Variants in PLEKHA7 observed in about 807,000 individuals in gnomAD.
The protein encoded by PLEKHA7 is pleckstrin homology domain containing A7.
In PLEKHA7, 104 loss-of-function variants were observed where a neutral mutation model predicts 170.0. That is an observed-to-expected ratio of 0.61 (90% CI 0.52 to 0.72). The LOEUF (loss-of-function observed/expected upper bound fraction) is 0.72. PLEKHA7 is among the 30% of genes least tolerant of loss of function. The pLI is 0.00. For synonymous variants in PLEKHA7, 648 were observed against 660.8 expected, an observed-to-expected ratio of 0.98 and a Z score of 0.30; for missense variants, 1,615 against 1,671.7, an observed-to-expected ratio of 0.97 and a Z score of 0.59.
intron 23 of PLEKHA7, 166 bp from the exon 24 acceptor site, chr11:16,786,553 G>A: frequency 1.0e-6 from 1 of 985,426 alleles, no homozygotes; most frequent in Admixed American, 6.1e-5. Flanking sequence ...CATATGGGCT[G>A]TTCCAGACTG....
chr11:16,920,680 T>C, intron 3 of PLEKHA7, among the ~76,000 whole-genome samples: 1 of 152,242 alleles, frequency 6.6e-6, no homozygotes, highest in Non-Finnish European at 1.5e-5. Flanking sequence ...CATATCTGAC[T>C]ACCTGACTTC....
intron 3 of PLEKHA7, among the ~76,000 whole-genome samples, chr11:17,012,404 C>T (rs182837484): frequency 3.1e-4 from 47 of 152,298 alleles, no homozygotes; most frequent in East Asian, 9.6e-4. Flanking sequence ...TGGCTGTTCG[C>T]TCTTCCCGAA....
chr11:16,855,251 T>G (rs968775316), intron 5 of PLEKHA7, among the ~76,000 whole-genome samples: 2 of 152,182 alleles, frequency 1.3e-5, no homozygotes, highest in African/African-American at 4.8e-5. Flanking sequence ...CAATCAACTT[T>G]CAGCAGCAGC....
intron 3 of PLEKHA7, among the ~76,000 whole-genome samples, chr11:16,948,110 T>C (rs1473315081): frequency 6.6e-6 from 1 of 151,912 alleles, no homozygotes; most frequent in African/African-American, 2.4e-5. Flanking sequence ...CAATTACATG[T>C]AGAGTGTAAA....
intron 9 of PLEKHA7, among the ~76,000 whole-genome samples, chr11:16,836,471 A>C (rs1467546261): frequency 6.6e-6 from 1 of 152,258 alleles, no homozygotes; most frequent in Non-Finnish European, 1.5e-5. Flanking sequence ...TGCCTGTATG[A>C]ATAAAGAGAG....
At chr11:16,907,035 G>A (rs1481625866) in intron 3 of PLEKHA7, among the ~76,000 whole-genome samples, 2 of 147,774 alleles carry the variant, frequency 1.4e-5, no homozygotes, top group South Asian at 4.5e-4. Flanking sequence ...GAAGTGAGGA[G>A]CCCCTCTGCC....
At position 16,791,512 on chromosome 11, in the gene PLEKHA7, C is replaced by T. The variant is rs1004212394; in HGVS notation, c.2746-313G>A. The stretch of plus-strand genomic sequence containing the variant: ...CGGTGCTGTGCTGAACTGCTCCCTC[C>T]GCTCATCTGGAGTGCACATCGCAGG... On this transcript the variant is annotated intron_variant, in intron 19 of 26. Transcript: ENST00000531066. The surrounding 1 kb of genome is among the most constrained non-coding windows in gnomAD (Gnocchi z 4.5). 34 of 556,546 alleles carry T rather than the reference C, an allele frequency of 6.1e-5. No individual in the cohort carries two copies. The Middle Eastern group carries it at 4.9e-3, about 81-fold the overall frequency. The allele number at this position is 556,546 out of a possible 1,614,324, so 34.5% of individuals were successfully genotyped here. A position where few individuals can be genotyped will look rare whatever the true frequency, so the allele number is the denominator to read the frequency against.
intron 3 of PLEKHA7, among the ~76,000 whole-genome samples, chr11:16,931,766 C>G (rs1326792671): frequency 1.1e-4 from 15 of 137,190 alleles, no homozygotes; most frequent in African/African-American, 2.0e-4. Flanking sequence ...CCCCCCCCCC[C>G]CAAAAAAAAA....
chr11:16,928,226 C>T (rs1258179439), intron 3 of PLEKHA7, among the ~76,000 whole-genome samples: 2 of 152,154 alleles, frequency 1.3e-5, no homozygotes, highest in Non-Finnish European at 2.9e-5. Context: ...GGGAGGATCT[C>T]TTGAGCCCAG....
chr11:16,882,940 G>C (rs1855819098), intron 3 of PLEKHA7, among the ~76,000 whole-genome samples: 1 of 152,106 alleles, frequency 6.6e-6, no homozygotes, highest in Non-Finnish European at 1.5e-5. Context: ...TACTTGCTAT[G>C]TATCAACCTA....
intron 9 of PLEKHA7, among the ~76,000 whole-genome samples, chr11:16,828,288 G>A (rs912545632): frequency 1.1e-4 from 17 of 152,310 alleles, no homozygotes; most frequent in African/African-American, 3.8e-4. Context: ...GCGTTCTCAT[G>A]AGATCTGACG....
chr11:16,979,965 C>T (rs1863323899), intron 3 of PLEKHA7, among the ~76,000 whole-genome samples: 2 of 152,166 alleles, frequency 1.3e-5, no homozygotes, highest in Non-Finnish European at 2.9e-5. Flanking sequence ...GGCAGGTACA[C>T]TCAGTGGCTG....
chr11:16,878,555 C>T (rs11024067), intron 3 of PLEKHA7, among the ~76,000 whole-genome samples: 8,887 of 152,230 alleles, frequency 0.058, 388 homozygotes, highest in Non-Finnish European at 0.091. Flanking sequence ...CTCTTTCCTA[C>T]TTAACAGTCT....
Position 16,817,472 on chromosome 11 carries a change from C to T in PLEKHA7, c.1344-150G>A. 1 of 718,242 alleles carries T rather than the reference C, an allele frequency of 1.4e-6. No homozygotes were observed. Among genetic ancestry groups the T allele is most frequent in the Non-Finnish European group, 2.1e-6 (1 of 471,606 alleles). The allele number at this position is 718,242 out of a possible 1,614,324, so 44.5% of individuals were successfully genotyped here. On this transcript the variant is annotated intron_variant, in intron 10 of 26. Coordinates refer to ENST00000531066, the MANE Select transcript of PLEKHA7 (RefSeq NM_001329630.2). The surrounding 1 kb of genome is among the most constrained non-coding windows in gnomAD (Gnocchi z 4.4). ...TGATCAAGGCCGACATCCAGGACTTCAGTCACTTCCCCTTTTGGCAGACGA... is the reference window on the plus strand; with the variant it reads ...TGATCAAGGCCGACATCCAGGACTTTAGTCACTTCCCCTTTTGGCAGACGA...
At chr11:16,814,860 C>T (rs768748480) in intron 12 of PLEKHA7, among the ~76,000 whole-genome samples, 1 of 152,250 alleles carries the variant, frequency 6.6e-6, no homozygotes, top group African/African-American at 2.4e-5. Context: ...CAAGCAGTGG[C>T]CACGGGGGCA....
In PLEKHA7 at chr11:16,960,415, G is replaced by A. The variant is rs141320190; in HGVS notation, c.221+53574C>T. On this transcript the variant is annotated intron_variant, in intron 3 of 26. Transcript: ENST00000531066. Reference sequence around the variant, plus strand: ...AAATTCTCCCTGTATTTACTCAAACGTTGCCTGAGCTCTGAGTTGGGGGGC... The same window carrying A: ...AAATTCTCCCTGTATTTACTCAAACATTGCCTGAGCTCTGAGTTGGGGGGC... Among the ~76,000 whole-genome samples, 1,263 of 152,286 alleles carry A rather than the reference G, an allele frequency of 8.3e-3. 21 individuals are homozygous for A. Among genetic ancestry groups the A allele is most frequent in the African/African-American group, 0.029 (1,192 of 41,556 alleles).
intron 8 of PLEKHA7, among the ~76,000 whole-genome samples, chr11:16,850,264 A>G (rs1852817483): frequency 6.6e-6 from 1 of 152,190 alleles, no homozygotes; most frequent in Non-Finnish European, 1.5e-5. Context: ...CGGCCAAGCA[A>G]CAAGTGTAGT....
chr11:16,874,854 T>C (rs1448650605), intron 3 of PLEKHA7, among the ~76,000 whole-genome samples: 2 of 152,194 alleles, frequency 1.3e-5, no homozygotes, highest in Non-Finnish European at 2.9e-5. Flanking sequence ...AAATCTTCTA[T>C]GTGCCTGGGG....
rs200712302 is a variant in PLEKHA7 at position 16,801,765 on chromosome 11, C to T, written c.2210G>A (p.Arg737Gln). ...EVLHRQMEQY[R>Q]DQPQHLEKIA... is the part of the protein sequence containing the mutation. ...CTTCTCCAAGTGCTGGGGCTGGTCT[C>T]GGTACTGCTCCATCTGTCTGTGCAA... The change falls in exon 16 of 27, where the codon CGA (arginine) becomes CAA (glutamine). Residue 737 changes from arginine to glutamine, a missense_variant. Coordinates refer to ENST00000531066, the MANE Select transcript of PLEKHA7 (RefSeq NM_001329630.2). The T allele has an allele frequency of 2.8e-5, 45 of 1,614,030 alleles. 1 individual carries two copies. In the Admixed American group the frequency reaches 4.5e-4, roughly 16 times the overall value.
Sources: allele counts gnomAD v4.1 joint callset (sites outside exome capture counted in the v4.1 genomes callset), GRCh38; gene constraint gnomAD v4.1.1; non-coding constraint Gnocchi (gnomAD v3.1); transcripts MANE v1.5; gene names NCBI Gene and HGNC (gene_info 2026-07-23, HGNC 2026-07-21).